CUL3: variants seen among roughly 807,000 people sequenced by gnomAD.
The protein encoded by CUL3 is cullin-3.
In CUL3, 19 loss-of-function variants were observed where a neutral mutation model predicts 89.1. The observed-to-expected ratio is 0.21, with a 90% CI of 0.15 to 0.31. CUL3 has a LOEUF of 0.31. Among genes scored for constraint, CUL3 ranks in the 10% least tolerant of loss-of-function variants. The probability of loss-of-function intolerance (pLI) is 1.00; values close to 1 mark genes in which losing one functional copy is unlikely to be tolerated. For missense variants in CUL3, 469 were observed against 942.3 expected (o/e 0.50, Z 6.58); for synonymous variants, 351 against 308.4 (o/e 1.14, Z -1.45).
chr2:224,562,238 G>GT (rs898727609), intron 1 of CUL3, among the ~76,000 whole-genome samples: 126 of 147,832 alleles, frequency 8.5e-4, no homozygotes, highest in South Asian at 2.2e-3. Flanking sequence ...TATGTAGTGC[G>GT]TTTTTTTTTT....
chr2:224,574,394 T>C (rs897639193), intron 1 of CUL3, among the ~76,000 whole-genome samples: 2 of 152,214 alleles, frequency 1.3e-5, no homozygotes, highest in Admixed American at 6.5e-5. Flanking sequence ...ACAGGATCAG[T>C]TCTCAATTTC....
rs1313095002 is a variant in CUL3, at chr2:224,585,122, C to T, written c.-113G>A. Reference sequence around the variant, plus strand: ...ACGCTGGGGGCGGCGGCGGCGCGACCCCCGGGCAGGGCTGGGGAGCTGGCC... The same window carrying T: ...ACGCTGGGGGCGGCGGCGGCGCGACTCCCGGGCAGGGCTGGGGAGCTGGCC... On this transcript the variant is annotated 5_prime_UTR_variant, in exon 1 of 16. Coordinates refer to ENST00000264414, the MANE Select transcript of CUL3 (RefSeq NM_003590.5). 4 of 794,942 alleles carry T rather than the reference C, an allele frequency of 5.0e-6. No individual in the cohort carries two copies. The highest frequency in any genetic ancestry group is 5.1e-6 in the Non-Finnish European group (3 of 587,404). 49.2% of individuals were successfully genotyped at this position (794,942 alleles called of 1,614,324 possible). A position where few individuals can be genotyped will look rare whatever the true frequency, so the allele number is the denominator to read the frequency against.
intron 1 of CUL3, among the ~76,000 whole-genome samples, chr2:224,582,151 A>G (rs992673153): frequency 2.6e-5 from 4 of 151,872 alleles, no homozygotes; most frequent in Admixed American, 1.3e-4. Context: ...TTTTAAGTAG[A>G]GATGGGATTT....
intron 1 of CUL3, chr2:224,560,662 G>A (rs1199523508): frequency 6.6e-6 from 1 of 152,416 alleles, no homozygotes; most frequent in Non-Finnish European, 1.5e-5. Context: ...CACTTCCACT[G>A]CTACTATCCT....
intron 1 of CUL3, among the ~76,000 whole-genome samples, chr2:224,570,389 T>C (rs567497149): frequency 6.6e-6 from 1 of 152,218 alleles, no homozygotes; most frequent in African/African-American, 2.4e-5. Flanking sequence ...TTTCCTCATT[T>C]GCTTGTGGCC....
In CUL3 at chr2:224,473,318, A is replaced by G. The variant is rs1376875672; in HGVS notation, c.*927T>C. On this transcript the variant is annotated 3_prime_UTR_variant, in exon 16 of 16. Coordinates refer to ENST00000264414, the MANE Select transcript of CUL3 (RefSeq NM_003590.5). ...GGAGGACCTAGGGTATTTATAAACAAAGTATAGACTGTATGTGCTTTTCAG... is the reference window on the plus strand; with the variant it reads ...GGAGGACCTAGGGTATTTATAAACAGAGTATAGACTGTATGTGCTTTTCAG... The G allele has an allele frequency of 5.2e-6, 1 of 193,556 alleles. No homozygotes were observed. The allele number at this position is 193,556 out of a possible 1,614,324, so 12.0% of individuals were successfully genotyped here. A position where few individuals can be genotyped will look rare whatever the true frequency, so the allele number is the denominator to read the frequency against.
chr2:224,503,925 T>A, intron 8 of CUL3, 103 bp from the exon 9 acceptor site: 1 of 878,574 alleles, frequency 1.1e-6, no homozygotes, highest in South Asian at 2.3e-5. Context: ...AAAACATAGA[T>A]ATCTGGTTGA....
chr2:224,574,203 A>G (rs1263147151), intron 1 of CUL3, among the ~76,000 whole-genome samples: 1 of 152,214 alleles, frequency 6.6e-6, no homozygotes, highest in Non-Finnish European at 1.5e-5. Context: ...TCATCTGCTC[A>G]GCAGTAACAT....
chr2:224,576,337 A>G (rs1695296945), intron 1 of CUL3, among the ~76,000 whole-genome samples: 1 of 152,146 alleles, frequency 6.6e-6, no homozygotes, highest in Non-Finnish European at 1.5e-5. Flanking sequence ...ACCGCAGACT[A>G]AGTCTTCTAA....
intron 3 of CUL3, among the ~76,000 whole-genome samples, chr2:224,533,899 A>G (rs1693783548): frequency 6.6e-6 from 1 of 152,190 alleles, no homozygotes; most frequent in South Asian, 2.1e-4. Flanking sequence ...AATAGGCCTG[A>G]CTGAATTCAC....
At chr2:224,497,957 T>C (rs1692227929) in intron 11 of CUL3, 108 bp from the exon 12 acceptor site, 1 of 809,102 alleles carries the variant, frequency 1.2e-6, no homozygotes, top group South Asian at 1.6e-5. Flanking sequence ...TGTGTGTGTG[T>C]ATGGACTTTA....
intron 1 of CUL3, among the ~76,000 whole-genome samples, chr2:224,570,838 G>T (rs1695166185): frequency 6.6e-6 from 1 of 152,032 alleles, no homozygotes. Flanking sequence ...ATATGAGTAG[G>T]CTATCCAAAA....
intron 3 of CUL3, among the ~76,000 whole-genome samples, chr2:224,515,985 C>G (rs918759848): frequency 6.6e-6 from 1 of 152,010 alleles, no homozygotes; most frequent in African/African-American, 2.4e-5. Flanking sequence ...CCACCATGCC[C>G]GGCCCCAAAC....
chr2:224,582,870 T>C (rs1695474607), intron 1 of CUL3, among the ~76,000 whole-genome samples: 2 of 152,162 alleles, frequency 1.3e-5, no homozygotes, highest in African/African-American at 4.8e-5. Context: ...CTGAACAAAT[T>C]AAATGATGGC....
At chr2:224,579,934 C>G (rs1291410063) in intron 1 of CUL3, among the ~76,000 whole-genome samples, 1 of 152,108 alleles carries the variant, frequency 6.6e-6, no homozygotes, top group Non-Finnish European at 1.5e-5. Flanking sequence ...GGGCAAAACC[C>G]CAGACAGTAA....
chr2:224,576,699 G>T (rs923294719), intron 1 of CUL3, among the ~76,000 whole-genome samples: 2 of 121,658 alleles, frequency 1.6e-5, no homozygotes, highest in Non-Finnish European at 3.5e-5. Context: ...GGGGGGGGGG[G>T]AGGAGAAGGA....
intron 3 of CUL3, among the ~76,000 whole-genome samples, chr2:224,525,083 A>G (rs1407554581): frequency 6.6e-6 from 1 of 152,106 alleles, no homozygotes; most frequent in African/African-American, 2.4e-5. Context: ...AGGACAGTAA[A>G]TTTAAACCCA....
chr2:224,560,055 C>A (rs1266264027), intron 1 of CUL3, among the ~76,000 whole-genome samples: 1 of 152,048 alleles, frequency 6.6e-6, no homozygotes, highest in Non-Finnish European at 1.5e-5. Flanking sequence ...TACACACCAG[C>A]CTGGATGACA....
intron 2 of CUL3, among the ~76,000 whole-genome samples, chr2:224,536,751 C>T (rs901767569): frequency 3.9e-5 from 6 of 152,188 alleles, no homozygotes; most frequent in Non-Finnish European, 8.8e-5. Context: ...AAGCTTAGTA[C>T]CATCCTCTCT....
Sources: allele counts gnomAD v4.1 joint callset (sites outside exome capture counted in the v4.1 genomes callset), GRCh38; gene constraint gnomAD v4.1.1; transcripts MANE v1.5; gene names NCBI Gene and HGNC (gene_info 2026-07-23, HGNC 2026-07-21).